DNAJC4: variants seen among roughly 807,000 people sequenced by gnomAD.
The protein encoded by DNAJC4 is DnaJ heat shock protein family (Hsp40) member C4.
A neutral mutation model predicts 26.8 loss-of-function variants in DNAJC4; 26 were observed. The observed-to-expected ratio is 0.97, with a 90% CI of 0.71 to 1.34. The LOEUF is 1.34. DNAJC4 is among the 40% of genes most tolerant of loss of function. DNAJC4 has a pLI of 0.00. For synonymous variants in DNAJC4, 134 were observed against 127.8 expected (o/e 1.05, Z -0.33); for missense variants, 342 against 321.1 (o/e 1.07, Z -0.50).
chr11:64,231,611 A>G (rs1947177018), intron 1 of DNAJC4: 3 of 405,952 alleles, frequency 7.4e-6, no homozygotes, highest in African/African-American at 2.0e-5. Context: ...AAAATGCTGG[A>G]TTACAGGCGT....
chr11:64,233,768 T>C, intron 4 of DNAJC4, 126 bp from the exon 5 acceptor site: 1 of 1,306,608 alleles, frequency 7.7e-7, no homozygotes, highest in Non-Finnish European at 1.1e-6. Flanking sequence ...CAGGAAGGGT[T>C]AGACTGAGGT....
At position 64,230,891 on chromosome 11, in the gene DNAJC4, T is replaced by A; in HGVS notation, c.37T>A (p.Trp13Arg). ...PLLPLRLCRL[W>R]PRNPPSRLLG... Reference sequence around the variant, plus strand: ...ACTGCCCCTGCGCCTGTGCCGGCTGTGGCCCCGCAACCCTCCCTCCCGGCT... The same window carrying A: ...ACTGCCCCTGCGCCTGTGCCGGCTGAGGCCCCGCAACCCTCCCTCCCGGCT... Residue 13 changes from tryptophan to arginine, a missense_variant, in exon 1 of 6, where the codon TGG (tryptophan) becomes AGG (arginine). By Grantham distance (101) the Trp-to-Arg change is moderately radical. Coordinates refer to ENST00000628077, the MANE Select transcript of DNAJC4 (RefSeq NM_005528.4). 1 of 1,594,802 alleles carries A rather than the reference T, an allele frequency of 6.3e-7. No individual in the cohort carries two copies. Among genetic ancestry groups the A allele is most frequent in the Non-Finnish European group, 8.5e-7 (1 of 1,174,004 alleles).
intron 2 of DNAJC4, 49 bp downstream of exon 2, chr11:64,232,013 TG>T: frequency 6.3e-7 from 1 of 1,583,846 alleles, no homozygotes; most frequent in Non-Finnish European, 8.7e-7. Context: ...TTTGAGCCAG[TG>T]GGGGTGTGCT....
In DNAJC4 at chr11:64,231,869, A is replaced by G. The variant is rs754978766; in HGVS notation, c.87-2A>G. 6.2e-7 allele frequency: 1 copy of G among 1,614,024 alleles called. No homozygotes were observed. The highest frequency in any genetic ancestry group is 8.5e-7 in the Non-Finnish European group (1 of 1,179,952). ...CTGCAAGGTTTGGGACTCTGTCCAC[A>G]GGTCCAGACCCAGTACTTATTATGA... On this transcript the variant is annotated splice_acceptor_variant, in intron 1 of 5. Transcript: ENST00000628077. LOFTEE classifies it high-confidence loss of function.
chr11:64,232,273 C>T, intron 2 of DNAJC4, 157 bp from the exon 3 acceptor site: 5 of 955,640 alleles, frequency 5.2e-6, no homozygotes, highest in Non-Finnish European at 7.6e-6. Flanking sequence ...GGAGTCCATG[C>T]TCTCTGGCCT....
chr11:64,233,080 G>T (rs1043738408), intron 4 of DNAJC4: 1 of 469,700 alleles, frequency 2.1e-6, no homozygotes, highest in Non-Finnish European at 3.5e-6. Flanking sequence ...TTCATATTTC[G>T]AATGTAAATC....
intron 1 of DNAJC4, 36 bp from the exon 2 acceptor site, chr11:64,231,835 C>G (rs918273140): frequency 1.9e-6 from 3 of 1,607,948 alleles, no homozygotes; most frequent in Admixed American, 3.3e-5. Flanking sequence ...TTCTGGGTTC[C>G]TTCAGCCCCT....
chr11:64,231,387 G>A (rs1947174100), intron 1 of DNAJC4: 1 of 225,092 alleles, frequency 4.4e-6, no homozygotes, highest in Non-Finnish European at 8.8e-6. Flanking sequence ...CGTTGCCCAG[G>A]CTGGAGTGCA....
At position 64,232,606 on chromosome 11, in the gene DNAJC4, A is replaced by C. The variant is rs529657121; in HGVS notation, c.357A>C (p.Gln119His). Residue 119 changes from glutamine (Q) to histidine (H), a missense_variant, in exon 3 of 6, where the codon CAA becomes CAC. Gln to His is a conservative substitution (Grantham distance 24). Coordinates refer to ENST00000628077, the MANE Select transcript of DNAJC4 (RefSeq NM_005528.4). ...CAGTCCATGACAAGTCTGCCCACCA[A>C]ACACACAGGTACAGTAATCCTGCCC... ...RTTVHDKSAH[Q>H]THSSWTPPNA... 3.1e-6 allele frequency: 5 copies of C among 1,597,466 alleles called. No homozygotes were observed. In the African/African-American group the frequency reaches 6.7e-5, roughly 21 times the overall value.
chr11:64,232,323 G>T, intron 2 of DNAJC4, 107 bp from the exon 3 acceptor site: 1 of 1,381,936 alleles, frequency 7.2e-7, no homozygotes, highest in African/African-American at 1.4e-5. Flanking sequence ...TCACTGACCA[G>T]GCAGGGCCTC....
At chr11:64,231,703 C>T in intron 1 of DNAJC4, 168 bp from the exon 2 acceptor site, 2 of 611,822 alleles carry the variant, frequency 3.3e-6, no homozygotes, top group South Asian at 4.1e-5. Flanking sequence ...CTGCACTATG[C>T]CTGAAACACT....
In DNAJC4 at chr11:64,231,938, C is replaced by G. The variant is rs772679141; in HGVS notation, c.154C>G (p.Arg52Gly). The G allele has an allele frequency of 2.5e-6, 4 of 1,613,964 alleles. No individual in the cohort carries two copies. Among genetic ancestry groups the G allele is most frequent in the Admixed American group, 3.3e-5 (2 of 60,002 alleles). The part of the protein sequence containing the change: ...HPGASTEEVK[R>G]AFFSKSKELH... ...TGGTGCCAGCACTGAGGAAGTTAAA[C>G]GAGCTTTCTTCTCCAAGTCCAAAGA... The change falls in exon 2 of 6, where the codon CGA becomes GGA. Residue 52 changes from arginine to glycine, a missense_variant. Arg to Gly is a moderately radical substitution (Grantham distance 125, BLOSUM62 -2). Transcript: ENST00000628077.
chr11:64,232,677 A>T, intron 3 of DNAJC4, 27 bp from the exon 4 acceptor site: 2 of 1,579,250 alleles, frequency 1.3e-6, no homozygotes, highest in Non-Finnish European at 1.7e-6. Context: ...TCATTTCCAC[A>T]ATGTCCCTTC....
At position 64,233,899 on chromosome 11, in the gene DNAJC4, T is replaced by C; in HGVS notation, c.533T>C (p.Val178Ala). 1 of 1,613,016 alleles carries C rather than the reference T, an allele frequency of 6.2e-7. No homozygotes were observed. Among genetic ancestry groups the C allele is most frequent in the Non-Finnish European group, 8.5e-7 (1 of 1,179,172 alleles). The change falls in exon 5 of 6, where the codon GTG becomes GCG. Residue 178 changes from valine to alanine, a missense_variant. Coordinates refer to ENST00000628077, the MANE Select transcript of DNAJC4 (RefSeq NM_005528.4). The stretch of plus-strand genomic sequence containing the variant: ...TTAATTGTGACCCATTGCAGGAAGG[T>C]GAAGCAGATGCACCTTAACTTCATG... ...MGLHYIAFRK[V>A]KQMHLNFMDE...
rs752521946 is a variant in DNAJC4 at position 64,232,424 on chromosome 11, C to T, written c.181-6C>T. 10 of 1,571,788 alleles carry T rather than the reference C, an allele frequency of 6.4e-6. 1 individual carries two copies. In the Admixed American group the frequency reaches 1.4e-4, roughly 22 times the overall value. Reference sequence around the variant, plus strand: ...GGGAGATAAGGGGAGTCCTGCCCCACCCCAGCTGCACCCAGACCGGGACCC... The same window carrying T: ...GGGAGATAAGGGGAGTCCTGCCCCATCCCAGCTGCACCCAGACCGGGACCC... On this transcript the variant is annotated splice_region_variant and splice_polypyrimidine_tract_variant and intron_variant, in intron 2 of 5. Coordinates refer to ENST00000628077, the MANE Select transcript of DNAJC4 (RefSeq NM_005528.4).
Position 64,230,834 on chromosome 11 carries a change from C to A in DNAJC4, c.-21C>A. On this transcript the variant is annotated 5_prime_UTR_variant, in exon 1 of 6. Coordinates refer to ENST00000628077, the MANE Select transcript of DNAJC4 (RefSeq NM_005528.4). ...CAATGCGCTCTTGGTAGCCTCCTTTCCCAGCTGCCCGCCCGCCGCCATGCC... is the reference window on the plus strand; with the variant it reads ...CAATGCGCTCTTGGTAGCCTCCTTTACCAGCTGCCCGCCCGCCGCCATGCC... 1 of 1,590,326 alleles carries A rather than the reference C, an allele frequency of 6.3e-7. No individual in the cohort carries two copies. The highest frequency in any genetic ancestry group is 2.3e-5 in the East Asian group (1 of 43,712).
At position 64,231,984 on chromosome 11, in the gene DNAJC4, G is replaced by T. The variant is rs373873144; in HGVS notation, c.180+20G>T. Reference sequence around the variant, plus strand: ...AAAGAGGTACCCGTACCCCTGAGGTGGGGAGGGGGAGCAGGAACTTTGAGC... The same window carrying T: ...AAAGAGGTACCCGTACCCCTGAGGTTGGGAGGGGGAGCAGGAACTTTGAGC... On this transcript the variant is annotated intron_variant, in intron 2 of 5. Transcript: ENST00000628077. 1 of 1,612,682 alleles carries T rather than the reference G, an allele frequency of 6.2e-7. No individual in the cohort carries two copies. The highest frequency in any genetic ancestry group is 8.5e-7 in the Non-Finnish European group (1 of 1,178,892).
At position 64,230,920 on chromosome 11, in the gene DNAJC4, CG is replaced by C; in HGVS notation, c.68del (p.Gly23GlufsTer57). 1 of 1,570,822 alleles carries C rather than the reference CG, an allele frequency of 6.4e-7. No individual in the cohort carries two copies. The highest frequency in any genetic ancestry group is 8.6e-7 in the Non-Finnish European group (1 of 1,163,906). On this transcript the variant is annotated frameshift_variant, in exon 1 of 6. Coordinates refer to ENST00000628077, the MANE Select transcript of DNAJC4 (RefSeq NM_005528.4). LOFTEE classifies it high-confidence loss of function. The part of the protein sequence containing the change: ...WPRNPPSRLL[G>X]AAAGQRSRPS... ...CCCGCAACCCTCCCTCCCGGCTCCT[CG>C]GAGCGGCCGCCGGGCAGCGGTGAGT...
chr11:64,233,831 A>AG, intron 4 of DNAJC4, 63 bp from the exon 5 acceptor site: 2 of 1,583,942 alleles, frequency 1.3e-6, no homozygotes, highest in Non-Finnish European at 1.7e-6. Context: ...GTGGGGTGGA[A>AG]GGGGGCAGGA....
Sources: allele counts gnomAD v4.1 joint callset, GRCh38; gene constraint gnomAD v4.1.1; transcripts MANE v1.5; gene names NCBI Gene and HGNC (gene_info 2026-07-23, HGNC 2026-07-21).